OVCH2: variants seen among roughly 807,000 people sequenced by gnomAD.
The protein encoded by OVCH2 is ovochymase 2, also known as ovochymase-2.
A neutral mutation model predicts 73.7 loss-of-function variants in OVCH2; 88 were observed. The ratio of observed to expected loss-of-function variants is 1.19; its 90% CI spans 1.01 to 1.43. OVCH2 has a LOEUF of 1.43. OVCH2 is among the 40% of genes most tolerant of loss of function. The pLI, the probability that OVCH2 is intolerant of heterozygous loss-of-function variation, is 0.00. For synonymous variants in OVCH2, 265 were observed against 234.5 expected (o/e 1.13, Z -1.19); for missense variants, 706 against 674.5 (o/e 1.05, Z -0.52).
At chr11:7,692,069 T>G in intron 12 of OVCH2, 74 bp from the exon 13 acceptor site, 1 of 1,116,726 alleles carries the variant, frequency 9.0e-7, no homozygotes, top group Non-Finnish European at 1.3e-6. Flanking sequence ...GCAGAGAAAT[T>G]TGGATTGCTC....
chr11:7,697,130 G>A (rs1856352551), intron 8 of OVCH2, among the ~76,000 whole-genome samples: 1 of 152,110 alleles, frequency 6.6e-6, no homozygotes, highest in Admixed American at 6.5e-5. Context: ...TCAACCTCCT[G>A]GGCTCAGGCA....
chr11:7,686,151 G>A (rs537603009), downstream of OVCH2, among the ~76,000 whole-genome samples: 16 of 152,308 alleles, frequency 1.1e-4, 1 homozygote, highest in South Asian at 2.7e-3. Flanking sequence ...GCACTGTGCC[G>A]AACTCTGGTA....
chr11:7,690,679 C>A (rs915007142), intron 14 of OVCH2, among the ~76,000 whole-genome samples: 13 of 152,082 alleles, frequency 8.5e-5, no homozygotes, highest in African/African-American at 2.2e-4. Flanking sequence ...GTTAGACACA[C>A]GTTTCCACAC....
At chr11:7,700,118 A>G in intron 7 of OVCH2, 178 bp downstream of exon 7, 1 of 612,830 alleles carries the variant, frequency 1.6e-6, no homozygotes, top group African/African-American at 1.8e-5. Context: ...TGCTCCACAT[A>G]CCATATTTTA....
intron 8 of OVCH2, among the ~76,000 whole-genome samples, chr11:7,697,754 G>C (rs1029206131): frequency 6.6e-6 from 1 of 151,886 alleles, no homozygotes; most frequent in Admixed American, 6.6e-5. Context: ...TATTGCCTTG[G>C]TTCAAACCTT....
At chr11:7,683,938 C>G in the OVCH2 span, among the ~76,000 whole-genome samples, 1 of 151,890 alleles carries the variant, frequency 6.6e-6, no homozygotes, top group Non-Finnish European at 1.5e-5. Flanking sequence ...TGCTCACCAG[C>G]ATTCACTATC....
chr11:7,704,746 C>A, intron 1 of OVCH2, 72 bp from the exon 2 acceptor site: 1 of 1,003,240 alleles, frequency 1.0e-6, no homozygotes. Context: ...CTCCATTTCA[C>A]CCATGAAACT....
rs920510089 is a variant in OVCH2, at chr11:7,702,392, T to C, written c.291-63A>G. On this transcript the variant is annotated intron_variant, in intron 3 of 15. Transcript: ENST00000533663. Reference sequence around the variant, plus strand: ...GTGCCTCTGAGTACAGTTGCAATGGTTGACACACTAGCTTCTTTAAAATGA... The same window carrying C: ...GTGCCTCTGAGTACAGTTGCAATGGCTGACACACTAGCTTCTTTAAAATGA... 1.1e-4 allele frequency: 137 copies of C among 1,268,076 alleles called. No homozygotes were observed. In the African/African-American group the frequency reaches 1.7e-3, roughly 16 times the overall value. The allele number at this position is 1,268,076 out of a possible 1,614,324, so 78.6% of individuals were successfully genotyped here.
downstream of OVCH2, among the ~76,000 whole-genome samples, chr11:7,684,865 C>G (rs905561864): frequency 1.3e-5 from 2 of 152,082 alleles, no homozygotes; most frequent in African/African-American, 4.8e-5. Flanking sequence ...ACAATGAAAT[C>G]TTAGCATCTT....
Position 7,703,805 on chromosome 11 carries a change from C to T in OVCH2, c.199-16G>A. 2 of 1,587,318 alleles carry T rather than the reference C, an allele frequency of 1.3e-6. No homozygotes were observed. The highest frequency in any genetic ancestry group is 8.6e-7 in the Non-Finnish European group (1 of 1,165,136). ...TCAGAGATACCTAAATTGCAAATAC[C>T]TTAAATGAAAGCAAGTTCATGCCCT... On this transcript the variant is annotated splice_polypyrimidine_tract_variant and intron_variant, in intron 2 of 15. Coordinates refer to ENST00000533663, the MANE Select transcript of OVCH2 (RefSeq NM_198185.7).
chr11:7,701,538 C>T (rs1856437687), intron 5 of OVCH2, 63 bp from the exon 6 acceptor site: 3 of 1,560,648 alleles, frequency 1.9e-6, no homozygotes, highest in Non-Finnish European at 2.6e-6. Flanking sequence ...GTTGAAGATG[C>T]ATCATTTGTG....
At chr11:7,688,474 C>G (rs1011448667), downstream of OVCH2, among the ~76,000 whole-genome samples, 1 of 152,096 alleles carries the variant, frequency 6.6e-6, no homozygotes, top group Non-Finnish European at 1.5e-5. Context: ...CCACACTTTA[C>G]AAAAATTTTT....
chr11:7,697,672 G>T (rs1014300949), intron 8 of OVCH2, among the ~76,000 whole-genome samples: 1 of 151,916 alleles, frequency 6.6e-6, no homozygotes, highest in Non-Finnish European at 1.5e-5. Context: ...CTCCTTCTTC[G>T]TTACAACCTT....
intron 12 of OVCH2, among the ~76,000 whole-genome samples, chr11:7,693,320 C>T (rs564718590): frequency 6.6e-6 from 1 of 152,278 alleles, no homozygotes; most frequent in Non-Finnish European, 1.5e-5. Flanking sequence ...AGGATTCATT[C>T]AAACATTTAT....
At chr11:7,701,932 C>T in intron 4 of OVCH2, 121 bp from the exon 5 acceptor site, 1 of 886,434 alleles carries the variant, frequency 1.1e-6, no homozygotes, top group African/African-American at 1.7e-5. Flanking sequence ...ATAGCTCTGC[C>T]TGGCACCTCC....
the OVCH2 span, among the ~76,000 whole-genome samples, chr11:7,684,176 C>T: frequency 6.6e-6 from 1 of 152,148 alleles, no homozygotes; most frequent in Admixed American, 6.5e-5. Context: ...GAGGATAATG[C>T]CTGACCTTTC....
chr11:7,693,909 T>G (rs1856269524), intron 12 of OVCH2, among the ~76,000 whole-genome samples: 1 of 152,222 alleles, frequency 6.6e-6, no homozygotes, highest in African/African-American at 2.4e-5. Flanking sequence ...TCAGTTCTCA[T>G]CTCTTTAAGT....
At chr11:7,697,915 C>T (rs139594874) in intron 8 of OVCH2, among the ~76,000 whole-genome samples, 45 of 152,312 alleles carry the variant, frequency 3.0e-4, no homozygotes, top group African/African-American at 9.6e-4. Flanking sequence ...CAATCGTATC[C>T]AAACTTTTTT....
intron 7 of OVCH2, chr11:7,699,079 C>A (rs1856387904): frequency 3.7e-6 from 1 of 268,458 alleles, no homozygotes; most frequent in Non-Finnish European, 7.1e-6. Context: ...TTGTCCATAA[C>A]TATAAAAGAG....
Sources: gnomAD v4.1 joint callset for allele counts (sites outside exome capture counted in the v4.1 genomes callset) on GRCh38, gnomAD v4.1.1 for gene constraint, MANE v1.5 for transcripts, NCBI Gene and HGNC (gene_info 2026-07-23, HGNC 2026-07-21) for gene names.